Variants in HS3ST2 observed in about 807,000 individuals in gnomAD.
HS3ST2 encodes the protein heparan sulfate glucosamine 3-O-sulfotransferase 2.
Under a neutral mutation model 26.3 loss-of-function variants are expected in HS3ST2, and 17 were observed. That is an observed-to-expected ratio of 0.65 (90% CI 0.44 to 0.97). HS3ST2 has a LOEUF of 0.97. Ranked by LOEUF, HS3ST2 falls within the 50% of genes least tolerant of loss-of-function variation. The pLI is 0.00. For synonymous variants in HS3ST2, 237 were observed against 219.2 expected, an observed-to-expected ratio of 1.08 and a Z score of -0.72; for missense variants, 402 against 501.2, an observed-to-expected ratio of 0.80 and a Z score of 1.89.
At chr16:22,911,266 G>A (rs1902422157) in intron 1 of HS3ST2, among the ~76,000 whole-genome samples, 1 of 152,162 alleles carries the variant, frequency 6.6e-6, no homozygotes, top group Non-Finnish European at 1.5e-5. Flanking sequence ...ATTAGAACAG[G>A]AAAATTGATG....
At chr16:22,891,215 C>T (rs1309854751) in intron 1 of HS3ST2, among the ~76,000 whole-genome samples, 1 of 152,214 alleles carries the variant, frequency 6.6e-6, no homozygotes, top group African/African-American at 2.4e-5. Context: ...TTACATTCTG[C>T]TTCAGTTCTC....
intron 1 of HS3ST2, among the ~76,000 whole-genome samples, chr16:22,886,814 G>A (rs572742955): frequency 1.3e-5 from 2 of 151,912 alleles, no homozygotes; most frequent in African/African-American, 4.8e-5. Flanking sequence ...CAGGGTGAGA[G>A]CAGTGGTATG....
intron 1 of HS3ST2, among the ~76,000 whole-genome samples, chr16:22,835,861 A>G (rs751273933): frequency 3.3e-5 from 5 of 152,238 alleles, no homozygotes; most frequent in Non-Finnish European, 7.3e-5. Context: ...TATTAAATGA[A>G]GAAAATGAAT....
intron 1 of HS3ST2, among the ~76,000 whole-genome samples, chr16:22,847,416 A>G (rs1488368003): frequency 1.3e-5 from 2 of 152,198 alleles, no homozygotes; most frequent in East Asian, 3.8e-4. Flanking sequence ...AATGCAAGAA[A>G]GGAAGTGAGA....
chr16:22,832,233 G>A (rs2141178724), intron 1 of HS3ST2, among the ~76,000 whole-genome samples: 1 of 150,510 alleles, frequency 6.6e-6, no homozygotes, highest in South Asian at 2.1e-4. Context: ...TTGGGATCAA[G>A]CAGTCCTCCC....
chr16:22,914,856 G>T (rs1902472124), intron 1 of HS3ST2, 88 bp from the exon 2 acceptor site: 2 of 1,363,934 alleles, frequency 1.5e-6, no homozygotes, highest in Non-Finnish European at 9.9e-7. Context: ...GATGCAACAG[G>T]CCCCTGGGTG....
intron 1 of HS3ST2, among the ~76,000 whole-genome samples, chr16:22,863,595 A>G (rs1414140432): frequency 6.6e-6 from 1 of 152,100 alleles, no homozygotes; most frequent in East Asian, 1.9e-4. Context: ...CCTGGTTTGT[A>G]TTAATCCTGT....
At chr16:22,842,496 C>T (rs1901373039) in intron 1 of HS3ST2, among the ~76,000 whole-genome samples, 1 of 152,140 alleles carries the variant, frequency 6.6e-6, no homozygotes, top group Admixed American at 6.5e-5. Context: ...TTCCTCTTAT[C>T]TAATTGAAAT....
intron 1 of HS3ST2, among the ~76,000 whole-genome samples, chr16:22,852,809 C>T (rs557330535): frequency 3.5e-4 from 53 of 152,134 alleles, no homozygotes; most frequent in Non-Finnish European, 5.4e-4. Context: ...ACCAAGGAAC[C>T]GAATTCATTC....
intron 1 of HS3ST2, among the ~76,000 whole-genome samples, chr16:22,881,695 G>A (rs1901992656): frequency 6.6e-6 from 1 of 152,182 alleles, no homozygotes; most frequent in South Asian, 2.1e-4. Context: ...AGCTGGAGAA[G>A]ACTCTTCACA....
intron 1 of HS3ST2, among the ~76,000 whole-genome samples, chr16:22,845,478 A>G (rs572201312): frequency 2.0e-5 from 3 of 148,980 alleles, no homozygotes; most frequent in Non-Finnish European, 4.4e-5. Context: ...CAGCCTCCTG[A>G]GTAGCTGGGA....
At chr16:22,863,400 G>T (rs1596618329) in intron 1 of HS3ST2, among the ~76,000 whole-genome samples, 1 of 152,238 alleles carries the variant, frequency 6.6e-6, no homozygotes, top group East Asian at 1.9e-4. Flanking sequence ...CCTTCTGAAG[G>T]TTCTTTTTTC....
intron 1 of HS3ST2, among the ~76,000 whole-genome samples, chr16:22,863,952 G>A (rs1454049999): frequency 6.6e-6 from 1 of 152,216 alleles, no homozygotes; most frequent in African/African-American, 2.4e-5. Context: ...AAGTTCGAGT[G>A]ACAGAAAACC....
chr16:22,883,420 A>G (rs1428874504), intron 1 of HS3ST2, among the ~76,000 whole-genome samples: 1 of 152,246 alleles, frequency 6.6e-6, no homozygotes, highest in Non-Finnish European at 1.5e-5. Flanking sequence ...GGGACAAAAG[A>G]GTTATCTAAG....
chr16:22,856,649 T>G (rs1186921307), intron 1 of HS3ST2, among the ~76,000 whole-genome samples: 1 of 152,118 alleles, frequency 6.6e-6, no homozygotes, highest in Non-Finnish European at 1.5e-5. Flanking sequence ...AGGTCCCTCC[T>G]GGGGTAGCTG....
In HS3ST2 at chr16:22,915,410, G is replaced by C; in HGVS notation, c.952G>C (p.Glu318Gln). 1 of 1,614,084 alleles carries C rather than the reference G, an allele frequency of 6.2e-7. No homozygotes were observed. Among genetic ancestry groups the C allele is most frequent in the South Asian group, 1.1e-5 (1 of 91,064 alleles). Residue 318 changes from glutamate to glutamine, a missense_variant, in exon 2 of 2, where the codon GAA becomes CAA. Glu to Gln is a conservative substitution (Grantham distance 29, BLOSUM62 2). Transcript: ENST00000261374. Reference sequence around the variant, plus strand: ...AGGATTCCCTTGCTTGAAAAAAACAGAATCGAGCCTCCTGCCTCGATGCTT... The same window carrying C: ...AGGATTCCCTTGCTTGAAAAAAACACAATCGAGCCTCCTGCCTCGATGCTT... Reference protein sequence around the residue: ...TKGFPCLKKTESSLLPRCLGK... With the variant: ...TKGFPCLKKTQSSLLPRCLGK...
intron 1 of HS3ST2, among the ~76,000 whole-genome samples, chr16:22,903,003 A>T (rs1902300775): frequency 6.6e-6 from 1 of 152,220 alleles, no homozygotes; most frequent in Non-Finnish European, 1.5e-5. Flanking sequence ...ATATTTTTCC[A>T]ATTAGTCATT....
intron 1 of HS3ST2, among the ~76,000 whole-genome samples, chr16:22,881,743 T>A (rs980685120): frequency 1.3e-5 from 2 of 152,224 alleles, no homozygotes; most frequent in Non-Finnish European, 2.9e-5. Flanking sequence ...CGTAGGTTAC[T>A]TTAATTCTGG....
At chr16:22,847,536 T>C (rs1365961185) in intron 1 of HS3ST2, among the ~76,000 whole-genome samples, 1 of 152,176 alleles carries the variant, frequency 6.6e-6, no homozygotes, top group Non-Finnish European at 1.5e-5. Flanking sequence ...ACAATATACG[T>C]GTTGCAAGAT....
Sources: gnomAD v4.1 joint callset for allele counts (sites outside exome capture counted in the v4.1 genomes callset) on GRCh38, gnomAD v4.1.1 for gene constraint, MANE v1.5 for transcripts, NCBI Gene and HGNC (gene_info 2026-07-23, HGNC 2026-07-21) for gene names.